Variants in CDH10 observed in about 807,000 individuals in gnomAD.
CDH10 encodes the protein cadherin 10.
Under a neutral mutation model 73.1 loss-of-function variants are expected in CDH10, and 30 were observed. The observed-to-expected ratio is 0.41, with a 90% CI of 0.31 to 0.56. The LOEUF (loss-of-function observed/expected upper bound fraction) is 0.56, where lower values mean the gene tolerates loss of function less well. CDH10 is among the 20% of genes least tolerant of loss of function. CDH10 has a pLI of 0.27. For synonymous variants in CDH10, 345 were observed against 348.2 expected, an observed-to-expected ratio of 0.99 and a Z score of 0.10; for missense variants, 815 against 973.7, an observed-to-expected ratio of 0.84 and a Z score of 2.17.
intron 2 of CDH10, among the ~76,000 whole-genome samples, chr5:24,555,160 C>T (rs1744721449): frequency 6.6e-6 from 1 of 152,032 alleles, no homozygotes; most frequent in Non-Finnish European, 1.5e-5. Context: ...TGACTTATTT[C>T]TTGGTTCCCC....
In CDH10 at chr5:24,559,103, T is replaced by G. The variant is rs567867944; in HGVS notation, c.232-21429A>C. Among the ~76,000 whole-genome samples, 118 of 134,250 alleles carry G rather than the reference T, an allele frequency of 8.8e-4. 1 individual carries two copies. The highest frequency in any genetic ancestry group is 5.2e-3 in the Admixed American group (66 of 12,798). The allele number at this position is 134,250 out of a possible 152,430, so 88.1% of individuals were successfully genotyped here. On this transcript the variant is annotated intron_variant, in intron 2 of 11. Transcript: ENST00000264463. Reference sequence around the variant, plus strand: ...TCTTCTAATAAAAATAGACATTGGATCCCTTATTTTGTTTTATTATTGTAC... The same window carrying G: ...TCTTCTAATAAAAATAGACATTGGAGCCCTTATTTTGTTTTATTATTGTAC...
intron 2 of CDH10, among the ~76,000 whole-genome samples, chr5:24,575,105 T>A (rs945819376): frequency 1.3e-5 from 2 of 152,022 alleles, no homozygotes; most frequent in Non-Finnish European, 2.9e-5. Flanking sequence ...CTCATGCCTG[T>A]AATCCCACCA....
intron 5 of CDH10, among the ~76,000 whole-genome samples, chr5:24,518,180 T>A (rs1743179067): frequency 6.6e-6 from 1 of 152,192 alleles, no homozygotes; most frequent in Non-Finnish European, 1.5e-5. Context: ...CTTTTCCACA[T>A]ACCTTTTTCT....
chr5:24,505,579 T>C (rs1436581474), intron 7 of CDH10, among the ~76,000 whole-genome samples: 1 of 152,232 alleles, frequency 6.6e-6, no homozygotes, highest in Non-Finnish European at 1.5e-5. Flanking sequence ...CAACTGACTT[T>C]ATTCAGTTAT....
At chr5:24,542,741 T>A (rs1181784571) in intron 2 of CDH10, among the ~76,000 whole-genome samples, 1 of 152,204 alleles carries the variant, frequency 6.6e-6, no homozygotes, top group East Asian at 1.9e-4. Context: ...AGATTCAATG[T>A]CTGGTAAGGG....
chr5:24,561,995 T>C (rs1163423144), intron 2 of CDH10, among the ~76,000 whole-genome samples: 8 of 119,252 alleles, frequency 6.7e-5, no homozygotes, highest in Non-Finnish European at 3.5e-5. Flanking sequence ...GAGTCTTTCT[T>C]GGTAGGCCCA....
intron 1 of CDH10, among the ~76,000 whole-genome samples, chr5:24,604,302 A>T (rs2112125664): frequency 6.6e-6 from 1 of 152,266 alleles, no homozygotes; most frequent in Non-Finnish European, 1.5e-5. Context: ...AGCTATAATC[A>T]TGTAATTGCC....
At chr5:24,570,286 G>C (rs2112019698) in intron 2 of CDH10, among the ~76,000 whole-genome samples, 1 of 152,244 alleles carries the variant, frequency 6.6e-6, no homozygotes, top group Admixed American at 6.5e-5. Flanking sequence ...TAATCATCTA[G>C]TTTGTGCATA....
chr5:24,488,878 AT>A (rs1039911726), intron 11 of CDH10, among the ~76,000 whole-genome samples: 6 of 150,106 alleles, frequency 4.0e-5, no homozygotes, highest in Non-Finnish European at 8.9e-5. Flanking sequence ...CCCCCCAAAA[AT>A]GTATGAATCT....
chr5:24,523,635 G>A (rs1269251720), intron 5 of CDH10, among the ~76,000 whole-genome samples: 1 of 151,938 alleles, frequency 6.6e-6, no homozygotes, highest in East Asian at 1.9e-4. Flanking sequence ...TGTATTCTTA[G>A]GCACATGCTT....
intron 1 of CDH10, among the ~76,000 whole-genome samples, chr5:24,596,385 GT>G (rs1406578918): frequency 6.6e-6 from 1 of 150,708 alleles, no homozygotes; most frequent in Non-Finnish European, 1.5e-5. Flanking sequence ...TTTTTTGTCA[GT>G]GTGTCATCAC....
chr5:24,604,966 AG>A (rs1258148424), intron 1 of CDH10, among the ~76,000 whole-genome samples: 1 of 152,160 alleles, frequency 6.6e-6, no homozygotes, highest in African/African-American at 2.4e-5. Context: ...TCTCTGATAA[AG>A]TCTTTTTTCA....
chr5:24,577,841 T>C (rs1185450890), intron 2 of CDH10, among the ~76,000 whole-genome samples: 1 of 152,144 alleles, frequency 6.6e-6, no homozygotes, highest in Non-Finnish European at 1.5e-5. Context: ...CCCACACAAA[T>C]AATAAGGACT....
At chr5:24,592,384 C>A (rs1746229460) in intron 2 of CDH10, among the ~76,000 whole-genome samples, 1 of 151,604 alleles carries the variant, frequency 6.6e-6, no homozygotes, top group Admixed American at 6.6e-5. Flanking sequence ...ACTTAATTTC[C>A]TTTTATTCCT....
In CDH10 at chr5:24,488,099, A is replaced by G. The variant is rs2111612270; in HGVS notation, c.1931T>C (p.Ile644Thr). The change falls in exon 12 of 12, where the codon ATC becomes ACC. Residue 644 changes from isoleucine to threonine, a missense_variant. Coordinates refer to ENST00000264463, the MANE Select transcript of CDH10 (RefSeq NM_006727.5). ...LKRQRKKEPL[I>T]LSKEDIRDNI... ...GTCTCTGATATCTTCTTTTGACAAGATCAGAGGCTCTTTTTTTCGCTGTCT... is the reference window on the plus strand; with the variant it reads ...GTCTCTGATATCTTCTTTTGACAAGGTCAGAGGCTCTTTTTTTCGCTGTCT... 6.2e-7 allele frequency: 1 copy of G among 1,612,958 alleles called. No homozygotes were observed. Among genetic ancestry groups the G allele is most frequent in the Non-Finnish European group, 8.5e-7 (1 of 1,179,582 alleles).
intron 2 of CDH10, among the ~76,000 whole-genome samples, chr5:24,583,504 C>A (rs188243184): frequency 1.1e-4 from 17 of 151,682 alleles, no homozygotes; most frequent in African/African-American, 3.6e-4. Context: ...GTGAAATAGT[C>A]AAAATAGCTC....
chr5:24,548,322 G>T (rs572777439), intron 2 of CDH10, among the ~76,000 whole-genome samples: 1 of 151,986 alleles, frequency 6.6e-6, no homozygotes, highest in South Asian at 2.1e-4. Context: ...GGTTCACCAT[G>T]TTGGCCAGGC....
chr5:24,566,678 A>G (rs1019365218), intron 2 of CDH10, among the ~76,000 whole-genome samples: 2 of 152,072 alleles, frequency 1.3e-5, no homozygotes, highest in Non-Finnish European at 2.9e-5. Context: ...AAAATCACCT[A>G]TTTATATATT....
At chr5:24,550,282 C>T (rs1231748005) in intron 2 of CDH10, among the ~76,000 whole-genome samples, 1 of 152,096 alleles carries the variant, frequency 6.6e-6, no homozygotes, top group African/African-American at 2.4e-5. Context: ...AATTCTTCTT[C>T]AATACAAAGT....
Sources: gnomAD v4.1 joint callset for allele counts (sites outside exome capture counted in the v4.1 genomes callset) on GRCh38, gnomAD v4.1.1 for gene constraint, MANE v1.5 for transcripts, NCBI Gene and HGNC (gene_info 2026-07-23, HGNC 2026-07-21) for gene names.